The following THSD7B variants were observed in gnomAD, a reference collection of about 807,000 sequenced individuals.
THSD7B encodes thrombospondin type 1 domain containing 7B.
A neutral mutation model predicts 213.6 loss-of-function variants in THSD7B; 138 were observed. The observed-to-expected ratio is 0.65, with a 90% confidence interval of 0.56 to 0.74. The LOEUF (loss-of-function observed/expected upper bound fraction) is 0.74. Ranked by LOEUF, THSD7B falls within the 30% of genes least tolerant of loss-of-function variation. The pLI, the probability that THSD7B is intolerant of heterozygous loss-of-function variation, is 0.00. For missense variants in THSD7B, 1,931 were observed against 1,991.5 expected (o/e 0.97, Z 0.58); for synonymous variants, 742 against 687.0 (o/e 1.08, Z -1.25).
intron 2 of THSD7B, among the ~76,000 whole-genome samples, chr2:136,998,359 T>C (rs1685935390): frequency 1.3e-5 from 2 of 151,674 alleles, no homozygotes; most frequent in Non-Finnish European, 2.9e-5. Context: ...TGTTTTTCAC[T>C]GGGTAGGAAT....
chr2:137,392,626 A>G (rs765726035), intron 12 of THSD7B, among the ~76,000 whole-genome samples: 1 of 151,862 alleles, frequency 6.6e-6, no homozygotes, highest in Non-Finnish European at 1.5e-5. Flanking sequence ...CTTTCTGTCC[A>G]TATGTGTCTT....
chr2:137,144,090 A>G (rs1401867035), intron 5 of THSD7B, among the ~76,000 whole-genome samples: 1 of 152,092 alleles, frequency 6.6e-6, no homozygotes, highest in African/African-American at 2.4e-5. Flanking sequence ...AAACGGAGTC[A>G]TCATTTGAAT....
chr2:137,384,061 G>A (rs532128132), intron 12 of THSD7B, among the ~76,000 whole-genome samples: 1 of 152,180 alleles, frequency 6.6e-6, no homozygotes, highest in Non-Finnish European at 1.5e-5. Context: ...ATTTCCAGCA[G>A]AGCATCCAAG....
At chr2:137,003,975 C>A (rs1283253804) in intron 2 of THSD7B, among the ~76,000 whole-genome samples, 6 of 152,126 alleles carry the variant, frequency 3.9e-5, no homozygotes, top group East Asian at 1.9e-4. Context: ...CCTATCTTTT[C>A]TCTTCCATTG....
At chr2:136,800,923 C>A (rs758286744) in intron 1 of THSD7B, among the ~76,000 whole-genome samples, 1 of 152,000 alleles carries the variant, frequency 6.6e-6, no homozygotes, top group Non-Finnish European at 1.5e-5. Context: ...AATGAGCTTA[C>A]CAAGTAAACT....
chr2:137,644,819 C>T (rs1196188835), intron 21 of THSD7B, among the ~76,000 whole-genome samples: 1 of 152,188 alleles, frequency 6.6e-6, no homozygotes, highest in Non-Finnish European at 1.5e-5. Flanking sequence ...ATTTAGGTGG[C>T]TGCTTGCCTT....
intron 2 of THSD7B, among the ~76,000 whole-genome samples, chr2:136,923,839 T>C (rs1439179386): frequency 3.9e-5 from 6 of 152,202 alleles, no homozygotes; most frequent in African/African-American, 1.2e-4. Context: ...GTTCCTTATA[T>C]GTTCTGGATA....
chr2:137,372,455 C>G (rs1685554145), intron 12 of THSD7B, among the ~76,000 whole-genome samples: 1 of 144,054 alleles, frequency 6.9e-6, no homozygotes, highest in East Asian at 2.2e-4. Context: ...TGAGTTACAA[C>G]TTGGTTTTAT....
intron 3 of THSD7B, among the ~76,000 whole-genome samples, chr2:137,058,034 A>T (rs1479878149): frequency 6.6e-6 from 1 of 152,228 alleles, no homozygotes; most frequent in East Asian, 1.9e-4. Flanking sequence ...AATAGTACTT[A>T]AATTACCAAA....
chr2:137,492,707 AGAT>A (rs1381577455), intron 15 of THSD7B, among the ~76,000 whole-genome samples: 1 of 152,226 alleles, frequency 6.6e-6, no homozygotes, highest in Non-Finnish European at 1.5e-5. Context: ...CAATTGAATT[AGAT>A]GATTTATCTA....
intron 12 of THSD7B, among the ~76,000 whole-genome samples, chr2:137,331,081 G>A (rs1201526147): frequency 6.6e-6 from 1 of 151,932 alleles, no homozygotes; most frequent in African/African-American, 2.4e-5. Flanking sequence ...GCTGATTGGT[G>A]TGTTTACAAA....
intron 15 of THSD7B, among the ~76,000 whole-genome samples, chr2:137,541,596 T>C (rs369705360): frequency 6.6e-6 from 1 of 151,696 alleles, no homozygotes; most frequent in Non-Finnish European, 1.5e-5. Context: ...TATATATTAT[T>C]GTTAACTATA....
At chr2:137,648,179 C>G (rs951921936) in intron 21 of THSD7B, among the ~76,000 whole-genome samples, 7 of 152,226 alleles carry the variant, frequency 4.6e-5, no homozygotes, top group Middle Eastern at 3.4e-3. Context: ...AATATCAAGT[C>G]AGTGTAATTG....
Position 137,200,232 on chromosome 2 carries a change from C to T in THSD7B, c.1723+29294C>T, listed in dbSNP as rs1376102905. 3.9e-5 allele frequency among the ~76,000 whole-genome samples: 6 copies of T among 152,014 alleles called. No individual in the cohort carries two copies. In the East Asian group the frequency reaches 9.7e-4, roughly 25 times the overall value. On this transcript the variant is annotated intron_variant, in intron 7 of 27. Transcript: ENST00000409968. Reference sequence around the variant, plus strand: ...TTCTTGTATATTCCTGTATGCCTTCCTCATTCCCACCTCAATTTGAGTATG... The same window carrying T: ...TTCTTGTATATTCCTGTATGCCTTCTTCATTCCCACCTCAATTTGAGTATG...
At chr2:137,648,595 A>G (rs1265000821) in intron 21 of THSD7B, among the ~76,000 whole-genome samples, 1 of 152,148 alleles carries the variant, frequency 6.6e-6, no homozygotes, top group Non-Finnish European at 1.5e-5. Flanking sequence ...ATTTGTATAC[A>G]TTATACCACG....
At chr2:136,911,044 ATAT>A (rs1164094777) in intron 2 of THSD7B, among the ~76,000 whole-genome samples, 1 of 152,160 alleles carries the variant, frequency 6.6e-6, no homozygotes, top group Non-Finnish European at 1.5e-5. Flanking sequence ...TATGATGAAG[ATAT>A]TATGAAGATC....
chr2:137,227,070 G>A (rs1222353216), intron 7 of THSD7B, among the ~76,000 whole-genome samples: 2 of 152,128 alleles, frequency 1.3e-5, no homozygotes, highest in Non-Finnish European at 2.9e-5. Flanking sequence ...GAGGCTGTGG[G>A]GAAGAGGTAA....
intron 2 of THSD7B, among the ~76,000 whole-genome samples, chr2:137,038,691 G>A (rs1686822919): frequency 6.6e-6 from 1 of 152,192 alleles, no homozygotes; most frequent in African/African-American, 2.4e-5. Flanking sequence ...TCTAGAGATG[G>A]CCTTGCAGAA....
intron 15 of THSD7B, among the ~76,000 whole-genome samples, chr2:137,493,499 C>G (rs1197164699): frequency 1.3e-5 from 2 of 152,202 alleles, no homozygotes; most frequent in African/African-American, 4.8e-5. Flanking sequence ...TCTTACTTTA[C>G]ACACTCGTAC....
Sources: gnomAD v4.1 joint callset for allele counts (sites outside exome capture counted in the v4.1 genomes callset) on GRCh38, gnomAD v4.1.1 for gene constraint, MANE v1.5 for transcripts, NCBI Gene and HGNC (gene_info 2026-07-23, HGNC 2026-07-21) for gene names.